The following SPOUT1 variants were observed in gnomAD, a reference collection of about 807,000 sequenced individuals.
SPOUT1 encodes the protein SPOUT domain containing methyltransferase 1.
Under a neutral mutation model 54.8 loss-of-function variants are expected in SPOUT1, and 40 were observed. The ratio of observed to expected loss-of-function variants is 0.73; its 90% CI spans 0.57 to 0.95. SPOUT1 has a LOEUF of 0.95. SPOUT1 is among the 40% of genes least tolerant of loss of function. The probability of loss-of-function intolerance (pLI) is 0.00; values close to 1 mark genes in which losing one functional copy is unlikely to be tolerated. For synonymous variants in SPOUT1, 193 were observed against 200.3 expected (o/e 0.96, Z 0.31); for missense variants, 437 against 499.5 (o/e 0.87, Z 1.19).
chr9:128,822,141 G>T lies in SPOUT1; in HGVS notation c.*624C>A. On this transcript the variant is annotated 3_prime_UTR_variant, in exon 12 of 12. Transcript: ENST00000361256. ...TGGGCATAAGGAAAACAGAGGGAAAGAGTTAACCACCCTGGAGAGAGTTCC... is the reference window on the plus strand; with the variant it reads ...TGGGCATAAGGAAAACAGAGGGAAATAGTTAACCACCCTGGAGAGAGTTCC... The T allele has an allele frequency of 1.5e-6, 1 of 669,430 alleles. No homozygotes were observed. The highest frequency in any genetic ancestry group is 2.5e-6 in the Non-Finnish European group (1 of 401,226). 41.5% of individuals were successfully genotyped at this position (669,430 alleles called of 1,614,324 possible). A position where few individuals can be genotyped will look rare whatever the true frequency, so the allele number is the denominator to read the frequency against.
At chr9:128,829,377 C>T (rs1830304736) in intron 1 of SPOUT1, among the ~76,000 whole-genome samples, 1 of 152,158 alleles carries the variant, frequency 6.6e-6, no homozygotes, top group South Asian at 2.1e-4. Context: ...AAGAAACTGT[C>T]GAATGAGTTC....
At chr9:128,824,039 C>T (rs41275922) in intron 10 of SPOUT1, 33 bp downstream of exon 10, 62,296 of 1,596,604 alleles carry the variant, frequency 0.039, 1,464 homozygotes, top group African/African-American at 0.086. Context: ...CCACATTCCT[C>T]CTGCCCTGGC....
In SPOUT1 at chr9:128,822,122, T is replaced by C; in HGVS notation, c.*643A>G. On this transcript the variant is annotated 3_prime_UTR_variant, in exon 12 of 12. Transcript: ENST00000361256. ...ACTCTGCCTGACCCAGTGTTGGGCA[T>C]AAGGAAAACAGAGGGAAAGAGTTAA... 1 of 614,880 alleles carries C rather than the reference T, an allele frequency of 1.6e-6. No individual in the cohort carries two copies. The highest frequency in any genetic ancestry group is 2.0e-5 in the South Asian group (1 of 50,008). The allele number at this position is 614,880 out of a possible 1,614,324, so 38.1% of individuals were successfully genotyped here.
chr9:128,824,294 GT>G, intron 9 of SPOUT1, 120 bp from the exon 10 acceptor site: 1 of 606,018 alleles, frequency 1.7e-6, no homozygotes, highest in Non-Finnish European at 3.0e-6. Flanking sequence ...GTGTGTGTGT[GT>G]GTGTGCGTGT....
chr9:128,823,897 G>A lies in SPOUT1; in HGVS notation c.915-3C>T. On this transcript the variant is annotated splice_region_variant and splice_polypyrimidine_tract_variant and intron_variant, in intron 10 of 11. Transcript: ENST00000361256. ...CCCCGAACACCACAAGAGCATGCCT[G>A]GCCCATGTAAGAGGGGGTCACCTGA... 2 of 1,612,836 alleles carry A rather than the reference G, an allele frequency of 1.2e-6. No homozygotes were observed. Among genetic ancestry groups the A allele is most frequent in the Non-Finnish European group, 1.7e-6 (2 of 1,179,712 alleles).
In SPOUT1 at chr9:128,820,708, C is replaced by T. The variant is rs1250878676; in HGVS notation, c.*2057G>A. 2 of 1,574,730 alleles carry T rather than the reference C, an allele frequency of 1.3e-6. No individual in the cohort carries two copies. Among genetic ancestry groups the T allele is most frequent in the Non-Finnish European group, 1.7e-6 (2 of 1,155,088 alleles). The stretch of plus-strand genomic sequence containing the variant: ...GATAGAGGAGGAAGGGTCCCAGCCA[C>T]AGTCCTGCTAAGCCCTATCTCTCCT... On this transcript the variant is annotated 3_prime_UTR_variant, in exon 12 of 12. Coordinates refer to ENST00000361256, the MANE Select transcript of SPOUT1 (RefSeq NM_016390.4).
intron 2 of SPOUT1, 38 bp downstream of exon 2, chr9:128,829,072 T>C: frequency 6.3e-7 from 1 of 1,582,990 alleles, no homozygotes; most frequent in Non-Finnish European, 8.7e-7. Context: ...ACTGGTGGAG[T>C]GGCCTATGGG....
At position 128,820,845 on chromosome 9, in the gene SPOUT1, C is replaced by T; in HGVS notation, c.*1920G>A. The stretch of plus-strand genomic sequence containing the variant: ...GTCTGCACAGGGCCACTCTTCCTGC[C>T]CAGGTAAGGTGGAAACCAGGGGGGC... On this transcript the variant is annotated 3_prime_UTR_variant, in exon 12 of 12. Coordinates refer to ENST00000361256, the MANE Select transcript of SPOUT1 (RefSeq NM_016390.4). 3 of 1,606,946 alleles carry T rather than the reference C, an allele frequency of 1.9e-6. No homozygotes were observed. Among genetic ancestry groups the T allele is most frequent in the Non-Finnish European group, 2.6e-6 (3 of 1,176,360 alleles).
intron 2 of SPOUT1, 61 bp downstream of exon 2, chr9:128,829,049 G>T: frequency 6.5e-7 from 1 of 1,535,092 alleles, no homozygotes; most frequent in South Asian, 1.1e-5. Flanking sequence ...CTTTCTCCAG[G>T]GTTTGACTGA....
At chr9:128,828,046 T>C (rs1830274747) in intron 3 of SPOUT1, among the ~76,000 whole-genome samples, 1 of 152,272 alleles carries the variant, frequency 6.6e-6, no homozygotes, top group South Asian at 2.1e-4. Flanking sequence ...TGCTACAATG[T>C]TTGCTGGGAT....
At position 128,822,142 on chromosome 9, in the gene SPOUT1, A is replaced by T; in HGVS notation, c.*623T>A. ...GGGCATAAGGAAAACAGAGGGAAAG[A>T]GTTAACCACCCTGGAGAGAGTTCCA... On this transcript the variant is annotated 3_prime_UTR_variant, in exon 12 of 12. Transcript: ENST00000361256. 1 of 670,020 alleles carries T rather than the reference A, an allele frequency of 1.5e-6. No homozygotes were observed. Among genetic ancestry groups the T allele is most frequent in the South Asian group, 1.9e-5 (1 of 51,422 alleles). The allele number at this position is 670,020 out of a possible 1,614,324, so 41.5% of individuals were successfully genotyped here.
chr9:128,823,726 C>T (rs41275920), intron 11 of SPOUT1, 21 bp downstream of exon 11: 94,736 of 1,586,410 alleles, frequency 0.06, 3,220 homozygotes, highest in Non-Finnish European at 0.067. Flanking sequence ...GGCTGGCAGT[C>T]GGGGAGGCAG....
rs1209969213 is a variant in SPOUT1, at chr9:128,829,791, C to T, written c.-11G>A. 1.9e-6 allele frequency: 3 copies of T among 1,598,590 alleles called. No individual in the cohort carries two copies. Among genetic ancestry groups the T allele is most frequent in the African/African-American group, 1.3e-5 (1 of 74,746 alleles). ...GCCGCGCTCCGCCATGTTCCGCACACACCGTCGGTCCCGCCTCTGCCAATG... is the reference window on the plus strand; with the variant it reads ...GCCGCGCTCCGCCATGTTCCGCACATACCGTCGGTCCCGCCTCTGCCAATG... On this transcript the variant is annotated 5_prime_UTR_variant, in exon 1 of 12. The change creates a new upstream start codon in the 5' untranslated region. Coordinates refer to ENST00000361256, the MANE Select transcript of SPOUT1 (RefSeq NM_016390.4).
At position 128,820,957 on chromosome 9, in the gene SPOUT1, C is replaced by G. The variant is rs1218406698; in HGVS notation, c.*1808G>C. The G allele has an allele frequency of 3.2e-5, 31 of 972,898 alleles. No individual in the cohort carries two copies. In the Admixed American group the frequency reaches 6.3e-4, roughly 20 times the overall value. 60.3% of individuals were successfully genotyped at this position (972,898 alleles called of 1,614,324 possible). A position where few individuals can be genotyped will look rare whatever the true frequency, so the allele number is the denominator to read the frequency against. On this transcript the variant is annotated 3_prime_UTR_variant, in exon 12 of 12. Transcript: ENST00000361256. Reference sequence around the variant, plus strand: ...GCTCTGGGTCAATACCAGTTCCCTACTCATCTGGTTTCTTGGCAAGCCTGT... The same window carrying G: ...GCTCTGGGTCAATACCAGTTCCCTAGTCATCTGGTTTCTTGGCAAGCCTGT...
chr9:128,825,920 G>A, intron 7 of SPOUT1, 102 bp downstream of exon 7: 1 of 1,468,128 alleles, frequency 6.8e-7, no homozygotes, highest in Non-Finnish European at 9.4e-7. Flanking sequence ...ATCAGTGAGG[G>A]ATTTCGGGCA....
At chr9:128,827,254 C>T in intron 3 of SPOUT1, 63 bp from the exon 4 acceptor site, 2 of 1,471,212 alleles carry the variant, frequency 1.4e-6, no homozygotes, top group South Asian at 1.2e-5. Flanking sequence ...CTTTCTCTCC[C>T]TTCCTCTGTC....
Position 128,822,665 on chromosome 9 carries a change from GT to G in SPOUT1, c.*99del, listed in dbSNP as rs982635052. The G allele has an allele frequency of 1.1e-4, 169 of 1,554,270 alleles. No homozygotes were observed. Among genetic ancestry groups the G allele is most frequent in the African/African-American group, 4.1e-4 (30 of 73,476 alleles). The stretch of plus-strand genomic sequence containing the variant: ...TGCAGGCCGGGGAGTATTAAAGGTG[GT>G]GATTTTTGGAGACAAGTCTGGTGGC... On this transcript the variant is annotated 3_prime_UTR_variant, in exon 12 of 12. Coordinates refer to ENST00000361256, the MANE Select transcript of SPOUT1 (RefSeq NM_016390.4).
Position 128,826,209 on chromosome 9 carries a change from G to A in SPOUT1, c.509-57C>T. The A allele has an allele frequency of 6.4e-7, 1 of 1,567,894 alleles. No homozygotes were observed. The highest frequency in any genetic ancestry group is 1.7e-5 in the Admixed American group (1 of 57,268). ...AGTGCTAGGGCACACAGGGTGCAGT[G>A]GGGACCCTGGAGCGGAGTACCGGCT... On this transcript the variant is annotated intron_variant, in intron 6 of 11. Coordinates refer to ENST00000361256, the MANE Select transcript of SPOUT1 (RefSeq NM_016390.4). The surrounding 1 kb of genome is among the most constrained non-coding windows in gnomAD (Gnocchi z 5.5).
In SPOUT1 at chr9:128,820,877, A is replaced by G. The variant is rs1289377566; in HGVS notation, c.*1888T>C. ...AGGTGGAAACCAGGGGGGCGGCAGAACCTCCCACTCACCTGAGGCCCCTAC... is the reference window on the plus strand; with the variant it reads ...AGGTGGAAACCAGGGGGGCGGCAGAGCCTCCCACTCACCTGAGGCCCCTAC... On this transcript the variant is annotated 3_prime_UTR_variant, in exon 12 of 12. Transcript: ENST00000361256. The G allele has an allele frequency of 6.3e-7, 1 of 1,575,332 alleles. No individual in the cohort carries two copies. Among genetic ancestry groups the G allele is most frequent in the East Asian group, 2.3e-5 (1 of 43,674 alleles).
Sources: allele counts gnomAD v4.1 joint callset (sites outside exome capture counted in the v4.1 genomes callset), GRCh38; gene constraint gnomAD v4.1.1; non-coding constraint Gnocchi (gnomAD v3.1); transcripts MANE v1.5; gene names NCBI Gene and HGNC (gene_info 2026-07-23, HGNC 2026-07-21).